CIRSR: variants seen among roughly 807,000 people sequenced by gnomAD.
CIRSR encodes CBF1 (RBPJ) interacting corepressor 1.
the CIRSR span, among the ~76,000 whole-genome samples, chr2:174,380,479 A>G: frequency 1.3e-5 from 2 of 152,192 alleles, no homozygotes; most frequent in Non-Finnish European, 2.9e-5. Context: ...ATATAAAACA[A>G]AAGACTATGA....
chr2:174,354,221 A>G, the CIRSR span, among the ~76,000 whole-genome samples: 3 of 150,732 alleles, frequency 2.0e-5, no homozygotes, highest in African/African-American at 7.3e-5. Context: ...AATTTAGCAC[A>G]CTTTCACAAT....
the CIRSR span, among the ~76,000 whole-genome samples, chr2:174,371,156 A>G: frequency 6.6e-6 from 1 of 152,180 alleles, no homozygotes; most frequent in African/African-American, 2.4e-5. Flanking sequence ...GCTAACAGGT[A>G]TCTTTCTTGG....
the CIRSR span, among the ~76,000 whole-genome samples, chr2:174,354,666 T>C: frequency 3.2e-5 from 3 of 94,484 alleles, no homozygotes; most frequent in South Asian, 2.4e-4. Context: ...TTATATAATA[T>C]ATATTATATA....
At chr2:174,362,364 T>A in the CIRSR span, among the ~76,000 whole-genome samples, 1 of 121,148 alleles carries the variant, frequency 8.3e-6, no homozygotes, top group African/African-American at 2.7e-5. Context: ...TAGAAATATA[T>A]AATAAACTGA....
chr2:174,349,046 A>G, the CIRSR span: 2 of 1,592,158 alleles, frequency 1.3e-6, no homozygotes, highest in African/African-American at 2.7e-5. Context: ...CAGTAGAGGA[A>G]GAGGAGGAGG....
chr2:174,384,314 T>G, the CIRSR span, among the ~76,000 whole-genome samples: 1 of 152,196 alleles, frequency 6.6e-6, no homozygotes, highest in Non-Finnish European at 1.5e-5. Context: ...GCATTTAGAA[T>G]AGGCAAATTC....
chr2:174,369,914 T>C, the CIRSR span: 13 of 1,325,732 alleles, frequency 9.8e-6, no homozygotes, highest in Admixed American at 1.7e-4. Flanking sequence ...TTACCAAAAA[T>C]GTGACCCAGA....
At chr2:174,366,472 G>C in the CIRSR span, among the ~76,000 whole-genome samples, 4 of 152,040 alleles carry the variant, frequency 2.6e-5, no homozygotes, top group African/African-American at 7.2e-5. Context: ...AAGTGAAGAA[G>C]AAATAAAGAC....
the CIRSR span, among the ~76,000 whole-genome samples, chr2:174,386,417 G>C: frequency 6.6e-6 from 1 of 152,064 alleles, no homozygotes; most frequent in Non-Finnish European, 1.5e-5. Flanking sequence ...CCCGACTTCA[G>C]GTGATCTGCC....
chr2:174,384,933 G>C, the CIRSR span, among the ~76,000 whole-genome samples: 1 of 151,974 alleles, frequency 6.6e-6, no homozygotes, highest in African/African-American at 2.4e-5. Flanking sequence ...TTTTCAGCTG[G>C]GCATGGCGGC....
the CIRSR span, among the ~76,000 whole-genome samples, chr2:174,390,142 C>T: frequency 1.3e-5 from 2 of 152,198 alleles, no homozygotes; most frequent in Non-Finnish European, 2.9e-5. Flanking sequence ...CCAACTTGTA[C>T]CATGTGCCTG....
chr2:174,382,764 T>C, the CIRSR span, among the ~76,000 whole-genome samples: 1 of 152,130 alleles, frequency 6.6e-6, no homozygotes, highest in Non-Finnish European at 1.5e-5. Context: ...GTTTGAGCTC[T>C]GTTTAAAAAA....
the CIRSR span, chr2:174,369,976 C>A: frequency 7.3e-7 from 1 of 1,364,636 alleles, no homozygotes; most frequent in Admixed American, 1.9e-5. Flanking sequence ...ATTTGCTCAG[C>A]ACAGGCTTAC....
the CIRSR span, among the ~76,000 whole-genome samples, chr2:174,392,275 G>A: frequency 6.6e-6 from 1 of 152,194 alleles, no homozygotes; most frequent in Non-Finnish European, 1.5e-5. Context: ...GAGATTACAG[G>A]TGTGAGCCAC....
At chr2:174,380,298 A>G in the CIRSR span, 1 of 1,338,758 alleles carries the variant, frequency 7.5e-7, no homozygotes, top group Non-Finnish European at 1.0e-6. Context: ...AATAATTTAA[A>G]AAATTAAACA....
At chr2:174,385,743 T>C in the CIRSR span, among the ~76,000 whole-genome samples, 46 of 152,230 alleles carry the variant, frequency 3.0e-4, 1 homozygote, top group African/African-American at 9.4e-4. Context: ...AACAATAGTA[T>C]TATATTATAA....
At chr2:174,372,070 C>T in the CIRSR span, among the ~76,000 whole-genome samples, 1 of 152,070 alleles carries the variant, frequency 6.6e-6, no homozygotes, top group African/African-American at 2.4e-5. Flanking sequence ...CTATTTCATA[C>T]AGAATTTTGA....
the CIRSR span, among the ~76,000 whole-genome samples, chr2:174,362,152 G>A: frequency 3.9e-5 from 6 of 151,980 alleles, no homozygotes; most frequent in East Asian, 1.2e-3. Context: ...AAAAAAAATT[G>A]AAAATGAGCC....
the CIRSR span, among the ~76,000 whole-genome samples, chr2:174,375,192 T>A: frequency 6.6e-6 from 1 of 152,226 alleles, no homozygotes; most frequent in African/African-American, 2.4e-5. Flanking sequence ...CTTTTTTAAA[T>A]AAATTACTGG....
Sources: gnomAD v4.1 joint callset for allele counts (sites outside exome capture counted in the v4.1 genomes callset) on GRCh38, gnomAD v4.1.1 for gene constraint, MANE v1.5 for transcripts, NCBI Gene and HGNC (gene_info 2026-07-23, HGNC 2026-07-21) for gene names.